Variants in TTC28 observed in about 807,000 individuals in gnomAD.
The protein encoded by TTC28 is tetratricopeptide repeat domain 28.
In TTC28, 61 loss-of-function variants were observed where a neutral mutation model predicts 198.0. That is an observed-to-expected ratio of 0.31 (90% CI 0.25 to 0.38). The LOEUF (loss-of-function observed/expected upper bound fraction) is 0.38, where lower values mean the gene tolerates loss of function less well. TTC28 is among the 10% of genes least tolerant of loss of function. The pLI is 1.00. For synonymous variants in TTC28, 1,171 were observed against 1,297.8 expected, an observed-to-expected ratio of 0.90 and a Z score of 2.10; for missense variants, 2,678 against 3,164.0, an observed-to-expected ratio of 0.85 and a Z score of 3.69.
intron 19 of TTC28, among the ~76,000 whole-genome samples, chr22:27,991,013 C>T (rs929322536): frequency 1.3e-5 from 2 of 152,088 alleles, no homozygotes; most frequent in African/African-American, 2.4e-5. Flanking sequence ...AGGCCAGCCG[C>T]GTGCGGATCC....
chr22:28,518,032 TAC>T (rs2048825647), intron 2 of TTC28, among the ~76,000 whole-genome samples: 1 of 152,166 alleles, frequency 6.6e-6, no homozygotes, highest in African/African-American at 2.4e-5. Flanking sequence ...TAGCTGGGAT[TAC>T]AGGTGTGCAT....
At chr22:28,374,786 A>G (rs2046384791) in intron 2 of TTC28, among the ~76,000 whole-genome samples, 1 of 152,060 alleles carries the variant, frequency 6.6e-6, no homozygotes, top group Admixed American at 6.5e-5. Context: ...GGTTCGAGCG[A>G]TTCTCCTGCC....
intron 1 of TTC28, among the ~76,000 whole-genome samples, chr22:28,633,937 A>G (rs2051222373): frequency 6.6e-6 from 1 of 152,136 alleles, no homozygotes; most frequent in Non-Finnish European, 1.5e-5. Context: ...AAGTCCAGAA[A>G]TTGCTCGAAA....
intron 2 of TTC28, among the ~76,000 whole-genome samples, chr22:28,406,006 GCTGT>G (rs1330646175): frequency 6.6e-6 from 1 of 152,258 alleles, no homozygotes; most frequent in Non-Finnish European, 1.5e-5. Flanking sequence ...AATAAAAGTT[GCTGT>G]CTAACACCAC....
chr22:28,515,046 T>A (rs1434181226), intron 2 of TTC28, among the ~76,000 whole-genome samples: 1 of 152,220 alleles, frequency 6.6e-6, no homozygotes, highest in Non-Finnish European at 1.5e-5. Context: ...CAGGTGCTGT[T>A]TACTTCTTTT....
In TTC28 at chr22:28,194,028, T is replaced by C. The variant is rs570983270; in HGVS notation, c.934-30429A>G. 1.7e-3 allele frequency among the ~76,000 whole-genome samples: 252 copies of C among 152,222 alleles called. 1 individual carries two copies. The highest frequency in any genetic ancestry group is 2.6e-3 in the Non-Finnish European group (175 of 68,024). ...CACACTTATTCCAAAATTGACCACATAGTTGGAAATAAAGCACTCCTCAGC... is the reference window on the plus strand; with the variant it reads ...CACACTTATTCCAAAATTGACCACACAGTTGGAAATAAAGCACTCCTCAGC... On this transcript the variant is annotated intron_variant, in intron 5 of 22. Coordinates refer to ENST00000397906, the MANE Select transcript of TTC28 (RefSeq NM_001145418.2).
chr22:28,218,257 T>C (rs1290569040), intron 5 of TTC28, among the ~76,000 whole-genome samples: 3 of 152,234 alleles, frequency 2.0e-5, no homozygotes, highest in African/African-American at 7.2e-5. Context: ...CATTGGCTAT[T>C]GGAAAATATT....
intron 14 of TTC28, chr22:28,001,958 G>A (rs191032985): frequency 8.2e-5 from 15 of 181,894 alleles, no homozygotes; most frequent in South Asian, 2.6e-4. Context: ...CAGTGAGGAC[G>A]GGAGGTCTGG....
intron 2 of TTC28, among the ~76,000 whole-genome samples, chr22:28,493,471 G>A (rs1353972945): frequency 6.6e-6 from 1 of 152,104 alleles, no homozygotes; most frequent in East Asian, 1.9e-4. Flanking sequence ...CATTCATTCT[G>A]TCTTTCTACA....
chr22:28,357,315 A>T lies in TTC28; in HGVS notation c.382-50672T>A, dbSNP rs933786837. On this transcript the variant is annotated intron_variant, in intron 2 of 22. Coordinates refer to ENST00000397906, the MANE Select transcript of TTC28 (RefSeq NM_001145418.2). ...AGAAATCACTTTTATCAAATTTCTT[A>T]TTTTTTTTTTTTTTTTTTTTTGAGA... Among the ~76,000 whole-genome samples, 598 of 113,438 alleles carry T rather than the reference A, an allele frequency of 5.3e-3. 4 individuals are homozygous for T. The highest frequency in any genetic ancestry group is 0.012 in the African/African-American group (355 of 29,064). The allele number at this position is 113,438 out of a possible 152,430, so 74.4% of individuals were successfully genotyped here.
intron 2 of TTC28, among the ~76,000 whole-genome samples, chr22:28,332,356 G>A (rs134488): frequency 0.88 from 133,362 of 151,950 alleles, 58,669 homozygotes; most frequent in East Asian, 0.99. Flanking sequence ...ATAATGAAAT[G>A]AAAATATAGA....
chr22:28,096,477 C>G (rs547366457), intron 10 of TTC28, 69 bp from the exon 11 acceptor site: 1 of 1,502,226 alleles, frequency 6.7e-7, no homozygotes, highest in Non-Finnish European at 9.0e-7. Flanking sequence ...CTATCAGGGA[C>G]GGCCATCAAA....
chr22:28,211,293 A>C (rs1299749072), intron 5 of TTC28, among the ~76,000 whole-genome samples: 1 of 152,192 alleles, frequency 6.6e-6, no homozygotes, highest in East Asian at 1.9e-4. Context: ...TATTAACCTT[A>C]AATGTAAATG....
intron 5 of TTC28, among the ~76,000 whole-genome samples, chr22:28,167,197 A>G (rs1601416799): frequency 6.6e-6 from 1 of 152,336 alleles, no homozygotes; most frequent in East Asian, 1.9e-4. Context: ...ACCAGCCAAG[A>G]AAAGGTCCAG....
rs1209843876 is a variant in TTC28, at chr22:28,105,324, G to T, written c.3262C>A (p.His1088Asn). 1 of 1,551,716 alleles carries T rather than the reference G, an allele frequency of 6.4e-7. No homozygotes were observed. Residue 1088 changes from histidine to asparagine, a missense_variant, in exon 8 of 23, where the codon CAT becomes AAT. Transcript: ENST00000397906. ...VSYSSLGRTH[H>N]ALQNYSQAVM... ...GCTTGGGAATAGTTCTGCAAGGCATGATGGGTCCTTCCAAGGCTACTATAT... is the reference window on the plus strand; with the variant it reads ...GCTTGGGAATAGTTCTGCAAGGCATTATGGGTCCTTCCAAGGCTACTATAT...
At chr22:28,276,331 G>A (rs961078865) in intron 5 of TTC28, among the ~76,000 whole-genome samples, 4 of 151,972 alleles carry the variant, frequency 2.6e-5, no homozygotes, top group African/African-American at 9.7e-5. Flanking sequence ...TTTATTATAG[G>A]AACCCTTCTT....
intron 5 of TTC28, among the ~76,000 whole-genome samples, chr22:28,272,300 C>T (rs1236542700): frequency 1.3e-5 from 2 of 152,124 alleles, no homozygotes; most frequent in African/African-American, 2.4e-5. Flanking sequence ...TTATAGAATG[C>T]TGGTTAGACA....
At chr22:28,186,929 C>T (rs1924256806) in intron 5 of TTC28, among the ~76,000 whole-genome samples, 2 of 152,170 alleles carry the variant, frequency 1.3e-5, no homozygotes, top group Admixed American at 6.6e-5. Flanking sequence ...ACATTTTCCC[C>T]ACAAAGCACA....
chr22:28,073,726 T>C (rs1309154479), intron 12 of TTC28, among the ~76,000 whole-genome samples: 3 of 152,310 alleles, frequency 2.0e-5, no homozygotes, highest in East Asian at 1.9e-4. Context: ...GCCAATGAAA[T>C]GTGAATGGTC....
Sources: allele counts gnomAD v4.1 joint callset (sites outside exome capture counted in the v4.1 genomes callset), GRCh38; gene constraint gnomAD v4.1.1; transcripts MANE v1.5; gene names NCBI Gene and HGNC (gene_info 2026-07-23, HGNC 2026-07-21).